The following ZNF124 variants were observed in gnomAD, a reference collection of about 807,000 sequenced individuals.
ZNF124 encodes zinc finger protein 124.
A neutral mutation model predicts 26.6 loss-of-function variants in ZNF124; 25 were observed. That is an observed-to-expected ratio of 0.94 (90% CI 0.68 to 1.31). The LOEUF is 1.31. Among genes scored for constraint, ZNF124 ranks in the 40% most tolerant of loss-of-function variants. The pLI, the probability that ZNF124 is intolerant of heterozygous loss-of-function variation, is 0.00. For missense variants in ZNF124, 444 were observed against 422.2 expected, an observed-to-expected ratio of 1.05 and a Z score of -0.45; for synonymous variants, 129 against 133.3, an observed-to-expected ratio of 0.97 and a Z score of 0.22.
chr1:247,141,100 C>G (rs1201387519), intron 3 of ZNF124, among the ~76,000 whole-genome samples: 1 of 151,156 alleles, frequency 6.6e-6, no homozygotes, highest in African/African-American at 2.4e-5. Context: ...TAAGTGCAAT[C>G]AGCCCAGAAC....
In ZNF124 at chr1:247,147,447, G is replaced by A. The variant is rs911630302; in HGVS notation, c.218+11559C>T. On this transcript the variant is annotated intron_variant, in intron 3 of 3. Transcript: ENST00000472531. ...TCACCATATTGGCCAGGCTGGTCTCGAACTCCTGACCTCGTGATCCACACG... is the reference window on the plus strand; with the variant it reads ...TCACCATATTGGCCAGGCTGGTCTCAAACTCCTGACCTCGTGATCCACACG... 4.0e-5 allele frequency among the ~76,000 whole-genome samples: 6 copies of A among 151,238 alleles called. No individual in the cohort carries two copies. The South Asian group carries it at 8.4e-4, about 21-fold the overall frequency.
At chr1:247,131,552 G>A (rs6683966) in intron 3 of ZNF124, among the ~76,000 whole-genome samples, 19,911 of 152,252 alleles carry the variant, frequency 0.13, 1,856 homozygotes, top group African/African-American at 0.25. Flanking sequence ...TGGACGGGAG[G>A]AGGTTGGCAC....
intron 1 of ZNF124, among the ~76,000 whole-genome samples, chr1:247,169,269 C>T (rs1673957668): frequency 2.0e-5 from 3 of 152,186 alleles, no homozygotes; most frequent in Admixed American, 1.3e-4. Context: ...CAGGAGATTC[C>T]CTGGTCCCCG....
chr1:247,149,486 TACAC>T (rs902199974), intron 3 of ZNF124, among the ~76,000 whole-genome samples: 13 of 152,210 alleles, frequency 8.5e-5, no homozygotes, highest in African/African-American at 2.9e-4. Flanking sequence ...GAAATTGTGA[TACAC>T]ACACGCAATG....
chr1:247,130,920 C>T (rs949439041), intron 3 of ZNF124, among the ~76,000 whole-genome samples: 12 of 152,088 alleles, frequency 7.9e-5, no homozygotes, highest in South Asian at 2.1e-4. Flanking sequence ...ACTAAAGATA[C>T]GAAAAATTAG....
chr1:247,163,830 A>G (rs1238550551), intron 1 of ZNF124, among the ~76,000 whole-genome samples: 1 of 152,196 alleles, frequency 6.6e-6, no homozygotes, highest in Non-Finnish European at 1.5e-5. Context: ...GCAGGCATAC[A>G]ACAATGAAAA....
Position 247,157,208 on chromosome 1 carries a change from C to T in ZNF124, c.414G>A (p.Gln138=). The change falls in exon 4 of 4, where the codon CAG becomes CAA. Residue 138 remains glutamine (Q), a synonymous_variant. Transcript: ENST00000543802. ...EKVFNIPSSF[Q]IHQRNHTGEK... is the part of the protein sequence containing the mutation. ...CTCCAGTGTGATTTCTCTGATGTATCTGAAATGAACTGGGAATATTAAAAA... is the reference window on the plus strand; with the variant it reads ...CTCCAGTGTGATTTCTCTGATGTATTTGAAATGAACTGGGAATATTAAAAA... 1 of 1,614,084 alleles carries T rather than the reference C, an allele frequency of 6.2e-7. No homozygotes were observed. The highest frequency in any genetic ancestry group is 1.3e-5 in the African/African-American group (1 of 75,054).
At chr1:247,146,465 C>G (rs551333415) in intron 3 of ZNF124, among the ~76,000 whole-genome samples, 1 of 152,282 alleles carries the variant, frequency 6.6e-6, no homozygotes, top group Non-Finnish European at 1.5e-5. Flanking sequence ...TTCAGTTTGA[C>G]TGGAGTTCTG....
chr1:247,151,338 G>A (rs1162803135), downstream of ZNF124, among the ~76,000 whole-genome samples: 1 of 152,058 alleles, frequency 6.6e-6, no homozygotes, highest in Non-Finnish European at 1.5e-5. Context: ...AATTAGCCGG[G>A]CGTGGTGGCG....
At chr1:247,142,496 G>A (rs1319416422) in intron 3 of ZNF124, among the ~76,000 whole-genome samples, 2 of 152,134 alleles carry the variant, frequency 1.3e-5, no homozygotes, top group African/African-American at 4.8e-5. Flanking sequence ...ATTAAAAAGA[G>A]TAGCAAAATG....
At chr1:247,136,565 C>T (rs568016982) in intron 3 of ZNF124, among the ~76,000 whole-genome samples, 16 of 152,334 alleles carry the variant, frequency 1.1e-4, no homozygotes, top group African/African-American at 3.6e-4. Context: ...AATGGCCACA[C>T]TGCCCAAAGT....
intron 1 of ZNF124, 163 bp from the exon 2 acceptor site, chr1:247,159,976 G>GTTTTTTTTTTTTTTTTTTTTTTTTT (rs779659255): frequency 4.1e-6 from 1 of 246,280 alleles, no homozygotes; most frequent in Non-Finnish European, 6.7e-6. Flanking sequence ...CCACATAGCA[G>GTTTTTTTTTTTTTTTTTTTTTTTTT]TTCTTTTTTT....
chr1:247,169,591 C>T (rs1673978697), intron 1 of ZNF124, among the ~76,000 whole-genome samples: 1 of 151,964 alleles, frequency 6.6e-6, no homozygotes, highest in African/African-American at 2.4e-5. Context: ...CACCCTCCCC[C>T]AGAAACCTGT....
At chr1:247,158,273 A>G (rs1021020949) in intron 3 of ZNF124, among the ~76,000 whole-genome samples, 6 of 151,468 alleles carry the variant, frequency 4.0e-5, no homozygotes, top group Admixed American at 3.3e-4. Flanking sequence ...CAAAACAAAA[A>G]AACCCCAAAA....
At chr1:247,151,371 C>A (rs368726170), downstream of ZNF124, among the ~76,000 whole-genome samples, 6 of 150,760 alleles carry the variant, frequency 4.0e-5, no homozygotes, top group Admixed American at 6.7e-5. Context: ...CCCAGCTACT[C>A]GGGAGGCTGA....
At chr1:247,152,322 TAATA>T (rs904766718), downstream of ZNF124, among the ~76,000 whole-genome samples, 19 of 149,698 alleles carry the variant, frequency 1.3e-4, no homozygotes, top group African/African-American at 3.4e-4. Context: ...TAAATAAATA[TAATA>T]AATAACTATA....
intron 3 of ZNF124, among the ~76,000 whole-genome samples, chr1:247,158,605 T>C (rs2103122626): frequency 6.6e-6 from 1 of 152,250 alleles, no homozygotes; most frequent in East Asian, 1.9e-4. Flanking sequence ...TAAATTGATG[T>C]TGTCTTAATT....
chr1:247,151,893 C>A (rs572499559), downstream of ZNF124, among the ~76,000 whole-genome samples: 1 of 151,444 alleles, frequency 6.6e-6, no homozygotes, highest in African/African-American at 2.4e-5. Context: ...AAGCCATGTA[C>A]AAAAGGGCTC....
At chr1:247,161,261 T>C (rs1425180151) in intron 1 of ZNF124, among the ~76,000 whole-genome samples, 2 of 152,292 alleles carry the variant, frequency 1.3e-5, no homozygotes, top group Admixed American at 6.5e-5. Flanking sequence ...TAGTCTTTAA[T>C]TAGCTGGAAT....
Sources: allele counts gnomAD v4.1 joint callset (sites outside exome capture counted in the v4.1 genomes callset), GRCh38; gene constraint gnomAD v4.1.1; transcripts MANE v1.5; gene names NCBI Gene and HGNC (gene_info 2026-07-23, HGNC 2026-07-21).